Variants in RNGTT observed in about 807,000 individuals in gnomAD.
The protein encoded by RNGTT is mRNA-capping enzyme.
In RNGTT, 33 loss-of-function variants were observed where a neutral mutation model predicts 79.3. The ratio of observed to expected loss-of-function variants is 0.42; its 90% confidence interval spans 0.32 to 0.56. The LOEUF (loss-of-function observed/expected upper bound fraction) is 0.56. Among genes scored for constraint, RNGTT ranks in the 20% least tolerant of loss-of-function variants. The pLI is 0.17. For synonymous variants in RNGTT, 222 were observed against 235.9 expected (o/e 0.94, Z 0.54); for missense variants, 497 against 739.1 (o/e 0.67, Z 3.80).
Position 88,836,042 on chromosome 6 carries a change from C to CATATAT in RNGTT, c.1269+8309_1269+8314dup, listed in dbSNP as rs138214447. Among the ~76,000 whole-genome samples the CATATAT allele has an allele frequency of 3.0e-3, 401 of 135,910 alleles. 1 individual carries two copies. Among genetic ancestry groups the CATATAT allele is most frequent in the African/African-American group, 9.7e-3 (359 of 36,924 alleles). The allele number at this position is 135,910 out of a possible 152,430, so 89.2% of individuals were successfully genotyped here. A position where few individuals can be genotyped will look rare whatever the true frequency, so the allele number is the denominator to read the frequency against. On this transcript the variant is annotated intron_variant, in intron 11 of 15. Coordinates refer to ENST00000369485, the MANE Select transcript of RNGTT (RefSeq NM_003800.5). ...CACACACATATATATATAAGATTTA[C>CATATAT]ATATATATATATATATAAGATTTAC...
At chr6:88,882,055 C>T (rs978068448) in intron 8 of RNGTT, among the ~76,000 whole-genome samples, 1 of 152,178 alleles carries the variant, frequency 6.6e-6, no homozygotes, top group Non-Finnish European at 1.5e-5. Context: ...ACTCAACAGC[C>T]TGTCCACATC....
intron 13 of RNGTT, among the ~76,000 whole-genome samples, chr6:88,736,033 T>C (rs1013137083): frequency 6.6e-6 from 1 of 152,026 alleles, no homozygotes; most frequent in African/African-American, 2.4e-5. Flanking sequence ...AAAAGGATAA[T>C]AAAAGAACAC....
intron 6 of RNGTT, 51 bp downstream of exon 6, chr6:88,904,664 G>A: frequency 2.0e-6 from 3 of 1,508,386 alleles, no homozygotes; most frequent in Non-Finnish European, 2.7e-6. Context: ...ATCTCAATAA[G>A]CTTGCAGAAA....
intron 13 of RNGTT, among the ~76,000 whole-genome samples, chr6:88,746,288 C>A (rs1777655593): frequency 6.6e-6 from 1 of 152,160 alleles, no homozygotes; most frequent in Non-Finnish European, 1.5e-5. Flanking sequence ...CCCCTCTTAC[C>A]CAGTTTTCAG....
At chr6:88,961,050 C>G (rs150744787) in intron 1 of RNGTT, among the ~76,000 whole-genome samples, 2 of 152,220 alleles carry the variant, frequency 1.3e-5, no homozygotes, top group African/African-American at 4.8e-5. Context: ...AAAAGCAAAC[C>G]CACCCTTAAT....
intron 13 of RNGTT, among the ~76,000 whole-genome samples, chr6:88,704,783 A>C (rs1776074795): frequency 6.6e-6 from 1 of 152,142 alleles, no homozygotes; most frequent in Non-Finnish European, 1.5e-5. Context: ...AAAAAAGAGA[A>C]AGGCAACAAC....
At chr6:88,906,793 G>C (rs6928205) in intron 4 of RNGTT, among the ~76,000 whole-genome samples, 2,858 of 151,904 alleles carry the variant, frequency 0.019, 83 homozygotes, top group African/African-American at 0.065. Flanking sequence ...ATACACACAA[G>C]ATCCTTCTGA....
intron 9 of RNGTT, among the ~76,000 whole-genome samples, chr6:88,853,393 T>C (rs1261985765): frequency 6.6e-6 from 1 of 151,232 alleles, no homozygotes; most frequent in African/African-American, 2.4e-5. Flanking sequence ...TAATCCCAGC[T>C]ACTGGGGAGG....
At chr6:88,808,776 C>G (rs1780042043) in intron 11 of RNGTT, among the ~76,000 whole-genome samples, 1 of 151,984 alleles carries the variant, frequency 6.6e-6, no homozygotes, top group African/African-American at 2.4e-5. Context: ...GTAGGTTTAT[C>G]ATAGTCAAAA....
chr6:88,880,988 G>A (rs1582577329), intron 8 of RNGTT, among the ~76,000 whole-genome samples: 1 of 152,238 alleles, frequency 6.6e-6, no homozygotes, highest in East Asian at 1.9e-4. Flanking sequence ...AACTGTAACT[G>A]TAGTAACATT....
intron 8 of RNGTT, among the ~76,000 whole-genome samples, chr6:88,875,497 T>C (rs1782490754): frequency 6.6e-6 from 1 of 152,078 alleles, no homozygotes; most frequent in Non-Finnish European, 1.5e-5. Flanking sequence ...AAAATAACTA[T>C]CAAAATATTG....
chr6:88,699,753 C>T (rs1775883068), intron 13 of RNGTT, among the ~76,000 whole-genome samples: 1 of 152,124 alleles, frequency 6.6e-6, no homozygotes, highest in Non-Finnish European at 1.5e-5. Flanking sequence ...GAATGACATT[C>T]TGACATGTTA....
At chr6:88,876,123 A>T (rs186208583) in intron 8 of RNGTT, among the ~76,000 whole-genome samples, 1 of 152,372 alleles carries the variant, frequency 6.6e-6, no homozygotes, top group Non-Finnish European at 1.5e-5. Flanking sequence ...CTGGAGTCTA[A>T]ATGCCCCTAT....
rs141477487 is a variant in RNGTT at position 88,831,813 on chromosome 6, A to G, written c.1269+12544T>C. On this transcript the variant is annotated intron_variant, in intron 11 of 15. Coordinates refer to ENST00000369485, the MANE Select transcript of RNGTT (RefSeq NM_003800.5). ...ACCAGTAACAGACAAACAGAGAGCC[A>G]AGTCATGAGTGAATTCCCATTCACA... is the stretch of plus-strand genomic sequence containing the variant. 4.6e-3 allele frequency among the ~76,000 whole-genome samples: 700 copies of G among 152,336 alleles called. 4 individuals are homozygous for G. The highest frequency in any genetic ancestry group is 0.015 in the African/African-American group (643 of 41,576).
chr6:88,848,154 GGAT>G (rs1207730733), intron 10 of RNGTT, among the ~76,000 whole-genome samples: 2 of 151,276 alleles, frequency 1.3e-5, no homozygotes, highest in African/African-American at 4.8e-5. Flanking sequence ...AATTAAAACA[GGAT>G]GATACCATTT....
At chr6:88,804,763 T>A (rs1779902686) in intron 11 of RNGTT, among the ~76,000 whole-genome samples, 1 of 152,064 alleles carries the variant, frequency 6.6e-6, no homozygotes, top group South Asian at 2.1e-4. Context: ...CTTCCATATA[T>A]CAGTATCTTC....
At chr6:88,895,243 G>A (rs1783197108) in intron 6 of RNGTT, among the ~76,000 whole-genome samples, 1 of 151,274 alleles carries the variant, frequency 6.6e-6, no homozygotes, top group South Asian at 2.1e-4. Flanking sequence ...GTGTGTGTGT[G>A]TGTGTGTGTG....
intron 8 of RNGTT, among the ~76,000 whole-genome samples, chr6:88,862,291 G>A (rs1393997057): frequency 6.6e-6 from 1 of 152,080 alleles, no homozygotes; most frequent in East Asian, 1.9e-4. Context: ...GAAGGAGAAC[G>A]GGCTGAAGAT....
chr6:88,951,251 C>G (rs904586054), intron 1 of RNGTT, among the ~76,000 whole-genome samples: 1 of 152,130 alleles, frequency 6.6e-6, no homozygotes, highest in Admixed American at 6.5e-5. Flanking sequence ...TTGCTTCTTA[C>G]AAATGAGCAA....
Sources: allele counts gnomAD v4.1 joint callset (sites outside exome capture counted in the v4.1 genomes callset), GRCh38; gene constraint gnomAD v4.1.1; transcripts MANE v1.5; gene names NCBI Gene and HGNC (gene_info 2026-07-23, HGNC 2026-07-21).